RBPJ: variants seen among roughly 807,000 people sequenced by gnomAD.
RBPJ encodes recombining binding protein suppressor of hairless.
Under a neutral mutation model 67.8 loss-of-function variants are expected in RBPJ, and 9 were observed. The observed-to-expected ratio is 0.13, with a 90% CI of 0.08 to 0.23. The LOEUF (loss-of-function observed/expected upper bound fraction) is 0.23, where lower values mean the gene tolerates loss of function less well. RBPJ is among the 10% of genes least tolerant of loss of function. RBPJ has a pLI of 1.00. For missense variants in RBPJ, 305 were observed against 595.6 expected, an observed-to-expected ratio of 0.51 and a Z score of 5.08; for synonymous variants, 198 against 203.3, an observed-to-expected ratio of 0.97 and a Z score of 0.22.
At chr4:26,140,199 C>T in the RBPJ span, among the ~76,000 whole-genome samples, 6 of 152,262 alleles carry the variant, frequency 3.9e-5, no homozygotes, top group Non-Finnish European at 8.8e-5. Context: ...CCTTGATTGG[C>T]ATCCCCTAGG....
At position 26,431,688 on chromosome 4, in the gene RBPJ, G is replaced by C. The variant is rs557976518; in HGVS notation, c.*681G>C. ...ATTTCAGCAAGTCAAATCTTGCAAA[G>C]GCCTGCATATTTTTTTTAAGATTAT... On this transcript the variant is annotated 3_prime_UTR_variant, in exon 11 of 11. Transcript: ENST00000355476. The C allele has an allele frequency of 6.6e-6, 1 of 151,432 alleles. No individual in the cohort carries two copies. Among genetic ancestry groups the C allele is most frequent in the Non-Finnish European group, 1.5e-5 (1 of 67,926 alleles). The allele number at this position is 151,432 out of a possible 1,614,324, so 9.4% of individuals were successfully genotyped here.
chr4:26,425,454 C>A (rs999654441), intron 7 of RBPJ, among the ~76,000 whole-genome samples: 1 of 150,752 alleles, frequency 6.6e-6, no homozygotes, highest in East Asian at 1.9e-4. Context: ...ACTGACCCCG[C>A]CCCCCCAAAA....
At chr4:26,111,705 A>G in the RBPJ span, among the ~76,000 whole-genome samples, 54 of 152,336 alleles carry the variant, frequency 3.5e-4, no homozygotes, top group Non-Finnish European at 7.1e-4. Context: ...GTGTGTGTGC[A>G]GGTGAGAGGT....
chr4:26,362,628 G>T lies in RBPJ; in HGVS notation c.21-23725G>T. 6.2e-7 allele frequency: 1 copy of T among 1,613,788 alleles called. No individual in the cohort carries two copies. ...TGAAGTACCATGGCGTGGATTAAAAGGTATGCTTTAGAAATCTCCCAGTGA... is the reference window on the plus strand; with the variant it reads ...TGAAGTACCATGGCGTGGATTAAAATGTATGCTTTAGAAATCTCCCAGTGA... On this transcript the variant is annotated intron_variant, in intron 1 of 10. Transcript: ENST00000355476.
chr4:26,360,354 C>A (rs1253104317), intron 1 of RBPJ, among the ~76,000 whole-genome samples: 1 of 152,134 alleles, frequency 6.6e-6, no homozygotes, highest in Non-Finnish European at 1.5e-5. Flanking sequence ...ATCAGATATA[C>A]CTGCCATCAT....
At chr4:26,157,112 C>A in the RBPJ span, among the ~76,000 whole-genome samples, 11,124 of 107,744 alleles carry the variant, frequency 0.1, 498 homozygotes, top group South Asian at 0.13. Flanking sequence ...AACAAACAAA[C>A]AAACAAAAAA....
In RBPJ at chr4:26,420,607, C is replaced by T; in HGVS notation, c.378C>T (p.Phe126=). 1 of 1,613,830 alleles carries T rather than the reference C, an allele frequency of 6.2e-7. No homozygotes were observed. The highest frequency in any genetic ancestry group is 8.5e-7 in the Non-Finnish European group (1 of 1,179,818). ...CTGACTCAGACAAGCGAAAGCACTT[C>T]ATGTTGTCTGTAAAGATGTTCTATG... ...YISDSDKRKH[F]MLSVKMFYGN... is the part of the protein sequence containing the mutation. The change falls in exon 5 of 11, where the codon TTC becomes TTT. Residue 126 remains phenylalanine (F), a synonymous_variant. Transcript: ENST00000355476.
chr4:26,402,348 A>G (rs1008593035), intron 2 of RBPJ, among the ~76,000 whole-genome samples: 6 of 152,136 alleles, frequency 3.9e-5, no homozygotes, highest in African/African-American at 1.4e-4. Context: ...AATCGGCACC[A>G]TTAATTTTGG....
At chr4:26,310,905 C>T (rs957067842) in intron 1 of RBPJ, among the ~76,000 whole-genome samples, 3 of 151,962 alleles carry the variant, frequency 2.0e-5, no homozygotes, top group Non-Finnish European at 2.9e-5. Context: ...CCTGACCTCA[C>T]GTGATCCGCC....
intron 1 of RBPJ, among the ~76,000 whole-genome samples, chr4:26,169,068 A>C (rs1323031593): frequency 3.3e-5 from 5 of 151,598 alleles, no homozygotes; most frequent in Admixed American, 6.6e-5. Flanking sequence ...TCTTCTCTCA[A>C]CTCCTCAAAG....
At chr4:26,259,619 G>T (rs998865918) in intron 1 of RBPJ, among the ~76,000 whole-genome samples, 2 of 152,158 alleles carry the variant, frequency 1.3e-5, no homozygotes, top group Non-Finnish European at 2.9e-5. Flanking sequence ...AGTCAATCCA[G>T]GTGCACCAGT....
At chr4:26,334,999 C>G (rs1197212594) in intron 1 of RBPJ, among the ~76,000 whole-genome samples, 1 of 152,152 alleles carries the variant, frequency 6.6e-6, no homozygotes, top group Non-Finnish European at 1.5e-5. Flanking sequence ...GTTCTGCAGG[C>G]TCATTAAACT....
At chr4:26,397,997 T>G (rs924083933) in intron 2 of RBPJ, among the ~76,000 whole-genome samples, 1 of 152,222 alleles carries the variant, frequency 6.6e-6, no homozygotes, top group Non-Finnish European at 1.5e-5. Flanking sequence ...CAGGCTGCTT[T>G]GTGATTTGAT....
chr4:26,252,676 C>T (rs957864838), intron 1 of RBPJ, among the ~76,000 whole-genome samples: 4 of 152,078 alleles, frequency 2.6e-5, no homozygotes, highest in African/African-American at 9.7e-5. Flanking sequence ...ATACGTTGCT[C>T]GAGTCTGGAA....
intron 1 of RBPJ, among the ~76,000 whole-genome samples, chr4:26,308,177 G>C (rs1476245404): frequency 6.6e-6 from 1 of 152,190 alleles, no homozygotes; most frequent in Non-Finnish European, 1.5e-5. Flanking sequence ...TCGGGAGGCT[G>C]AGGCGGGAGA....
At chr4:26,310,232 A>G (rs1265710244) in intron 1 of RBPJ, among the ~76,000 whole-genome samples, 2 of 152,154 alleles carry the variant, frequency 1.3e-5, no homozygotes, top group Admixed American at 6.5e-5. Context: ...CTTATTTTCT[A>G]TATGGAATTG....
chr4:26,324,495 C>T (rs1723418601), intron 1 of RBPJ, among the ~76,000 whole-genome samples: 1 of 151,776 alleles, frequency 6.6e-6, no homozygotes, highest in East Asian at 1.9e-4. Context: ...TGCCTTTCCT[C>T]TTTTGTTTTC....
chr4:26,398,991 G>A (rs1242298022), intron 2 of RBPJ, among the ~76,000 whole-genome samples: 1 of 152,120 alleles, frequency 6.6e-6, no homozygotes, highest in African/African-American at 2.4e-5. Context: ...TTTTTGCAGT[G>A]CATCTTTACC....
At chr4:26,263,840 G>A (rs903551409) in intron 1 of RBPJ, among the ~76,000 whole-genome samples, 3 of 151,536 alleles carry the variant, frequency 2.0e-5, no homozygotes, top group Admixed American at 2.0e-4. Flanking sequence ...AAAGTGCTGG[G>A]ATTACAGGCG....
Sources: allele counts gnomAD v4.1 joint callset (sites outside exome capture counted in the v4.1 genomes callset), GRCh38; gene constraint gnomAD v4.1.1; transcripts MANE v1.5; gene names NCBI Gene and HGNC (gene_info 2026-07-23, HGNC 2026-07-21).